The following RC3H2 variants were observed in gnomAD, a reference collection of about 807,000 sequenced individuals.
The protein encoded by RC3H2 is roquin-2.
In RC3H2, 31 loss-of-function variants were observed where a neutral mutation model predicts 133.3. The ratio of observed to expected loss-of-function variants is 0.23; its 90% CI spans 0.17 to 0.31. The LOEUF (loss-of-function observed/expected upper bound fraction) is 0.31, where lower values mean the gene tolerates loss of function less well. RC3H2 is among the 10% of genes least tolerant of loss of function. RC3H2 has a pLI of 1.00. For missense variants in RC3H2, 1,175 were observed against 1,437.2 expected (o/e 0.82, Z 2.95); for synonymous variants, 517 against 502.2 (o/e 1.03, Z -0.40).
intron 3 of RC3H2, 103 bp downstream of exon 3, chr9:122,892,806 A>C (rs528138444): frequency 2.0e-5 from 17 of 844,656 alleles, no homozygotes; most frequent in Non-Finnish European, 3.2e-5. Context: ...TTTCTCAAGC[A>C]AACTCCTTTT....
chr9:122,897,213 G>A (rs1033020773), intron 2 of RC3H2, 66 bp downstream of exon 2: 46 of 1,463,552 alleles, frequency 3.1e-5, no homozygotes, highest in East Asian at 6.9e-5. Flanking sequence ...TGGACAAGCC[G>A]TTAAAATAAT....
At chr9:122,884,588 C>T (rs193102879) in intron 4 of RC3H2, among the ~76,000 whole-genome samples, 65 of 152,242 alleles carry the variant, frequency 4.3e-4, no homozygotes, top group African/African-American at 1.5e-3. Context: ...CACGCTGGCT[C>T]ATGCTTGTAA....
intron 4 of RC3H2, 106 bp from the exon 5 acceptor site, chr9:122,883,485 A>T (rs987283127): frequency 4.2e-6 from 3 of 716,986 alleles, no homozygotes; most frequent in Non-Finnish European, 6.5e-6. Context: ...CCCATTACCC[A>T]TAATTTATAT....
Position 122,870,407 on chromosome 9 carries a change from AACAAAC to A in RC3H2, c.1326-4756_1326-4751del, listed in dbSNP as rs1424571923. On this transcript the variant is annotated intron_variant, in intron 9 of 20. Transcript: ENST00000357244. ...AAACAAACAAACAAACAAACAAACA[AACAAAC>A]AAAAAAAAAACAACAAACTGAGATA... Among the ~76,000 whole-genome samples, 386 of 60,964 alleles carry A rather than the reference AACAAAC, an allele frequency of 6.3e-3. 2 individuals carry two copies. The highest frequency in any genetic ancestry group is 0.031 in the East Asian group (16 of 518). 40.0% of individuals were successfully genotyped at this position (60,964 alleles called of 152,430 possible). A position where few individuals can be genotyped will look rare whatever the true frequency, so the allele number is the denominator to read the frequency against.
At chr9:122,858,236 C>A (rs1312710146) in intron 12 of RC3H2, 143 bp from the exon 13 acceptor site, 1 of 704,300 alleles carries the variant, frequency 1.4e-6, no homozygotes, top group Non-Finnish European at 2.3e-6. Context: ...ATTCTCCATA[C>A]ACTTAAAATA....
intron 4 of RC3H2, among the ~76,000 whole-genome samples, chr9:122,885,751 G>C (rs1332329519): frequency 6.6e-6 from 1 of 152,080 alleles, no homozygotes; most frequent in African/African-American, 2.4e-5. Flanking sequence ...TCTAATTTAA[G>C]ACATTTTCAT....
intron 1 of RC3H2, chr9:122,898,143 A>G (rs1168683373): frequency 6.6e-6 from 1 of 152,348 alleles, no homozygotes; most frequent in African/African-American, 2.4e-5. Flanking sequence ...AAATCAACAT[A>G]TAAGAGAAGA....
chr9:122,860,195 G>C (rs534599152), intron 10 of RC3H2, 64 bp from the exon 11 acceptor site: 18 of 1,204,188 alleles, frequency 1.5e-5, no homozygotes, highest in Admixed American at 8.0e-5. Flanking sequence ...CTCCTTACTA[G>C]AAATTTTTAA....
At chr9:122,892,703 G>A (rs564708161) in intron 3 of RC3H2, among the ~76,000 whole-genome samples, 3 of 152,202 alleles carry the variant, frequency 2.0e-5, no homozygotes, top group African/African-American at 4.8e-5. Flanking sequence ...GAGCCACCGC[G>A]CCCGGCTCTA....
Position 122,890,492 on chromosome 9 carries a change from C to T in RC3H2, c.403G>A (p.Val135Met). 1 of 1,614,210 alleles carries T rather than the reference C, an allele frequency of 6.2e-7. No homozygotes were observed. The highest frequency in any genetic ancestry group is 8.5e-7 in the Non-Finnish European group (1 of 1,180,030). ...ALSRPMQRKL[V>M]TLVNCQLVEE... is the part of the protein sequence containing the mutation. ...ACCAGTTGACAGTTTACAAGTGTCACCAGTTTCCTTTGCATTGGACGGCTC... is the reference window on the plus strand; with the variant it reads ...ACCAGTTGACAGTTTACAAGTGTCATCAGTTTCCTTTGCATTGGACGGCTC... The change falls in exon 4 of 21, where the codon GTG (valine) becomes ATG (methionine). Residue 135 changes from valine to methionine, a missense_variant. Physicochemically the swap from Val to Met is conservative, Grantham distance 21 (BLOSUM62 1). Coordinates refer to ENST00000357244, the MANE Select transcript of RC3H2 (RefSeq NM_001100588.3).
chr9:122,854,657 AATC>A, intron 15 of RC3H2, 42 bp from the exon 16 acceptor site: 1 of 1,324,638 alleles, frequency 7.5e-7, no homozygotes, highest in Non-Finnish European at 1.1e-6. Context: ...AAAAGTGAAA[AATC>A]AGTGTACTGA....
chr9:122,894,700 C>T (rs968414982), intron 2 of RC3H2, among the ~76,000 whole-genome samples: 10 of 152,038 alleles, frequency 6.6e-5, no homozygotes, highest in Admixed American at 2.0e-4. Context: ...GCCAATATGG[C>T]GAGACCCCAT....
chr9:122,852,962 T>C (rs1001559425), intron 18 of RC3H2, among the ~76,000 whole-genome samples: 13 of 152,132 alleles, frequency 8.5e-5, no homozygotes, highest in African/African-American at 2.7e-4. Flanking sequence ...GGGGAAAAGA[T>C]TGAGAAATCG....
At chr9:122,895,993 T>G (rs1306545974) in intron 2 of RC3H2, among the ~76,000 whole-genome samples, 2 of 151,876 alleles carry the variant, frequency 1.3e-5, no homozygotes, top group Non-Finnish European at 2.9e-5. Flanking sequence ...TCTTTTTTTT[T>G]TCCCCCCTAA....
intron 1 of RC3H2, among the ~76,000 whole-genome samples, chr9:122,901,019 G>A (rs1393491760): frequency 1.1e-4 from 17 of 152,136 alleles, no homozygotes. Flanking sequence ...ATTACAAACT[G>A]CTTTATTAAG....
intron 16 of RC3H2, 40 bp from the exon 17 acceptor site, chr9:122,854,306 G>A: frequency 6.6e-7 from 1 of 1,518,692 alleles, no homozygotes; most frequent in Non-Finnish European, 9.1e-7. Context: ...AAAGTGAAGT[G>A]AATGAAGCAA....
chr9:122,855,948 A>G (rs1380962160), intron 13 of RC3H2, 70 bp from the exon 14 acceptor site: 1 of 1,277,206 alleles, frequency 7.8e-7, no homozygotes, highest in Non-Finnish European at 1.1e-6. Context: ...ACTAATATAA[A>G]GTAACTATTA....
At chr9:122,890,139 TCAAA>T (rs951118650) in intron 4 of RC3H2, 169 bp downstream of exon 4, 62 of 641,102 alleles carry the variant, frequency 9.7e-5, no homozygotes, top group Admixed American at 5.7e-4. Flanking sequence ...AGACCCTGTC[TCAAA>T]CAAAACAAAA....
chr9:122,851,020 A>T, intron 20 of RC3H2, 61 bp downstream of exon 20: 1 of 1,574,550 alleles, frequency 6.4e-7, no homozygotes, highest in Non-Finnish European at 8.7e-7. Flanking sequence ...TTAATTTCGC[A>T]TTTTTTTCTC....
Sources: gnomAD v4.1 joint callset for allele counts (sites outside exome capture counted in the v4.1 genomes callset) on GRCh38, gnomAD v4.1.1 for gene constraint, MANE v1.5 for transcripts, NCBI Gene and HGNC (gene_info 2026-07-23, HGNC 2026-07-21) for gene names.